The following OIT3 variants were observed in gnomAD, a reference collection of about 807,000 sequenced individuals.
OIT3 encodes the protein oncoprotein-induced transcript 3 protein.
Under a neutral mutation model 52.2 loss-of-function variants are expected in OIT3, and 41 were observed. The ratio of observed to expected loss-of-function variants is 0.79; its 90% confidence interval spans 0.61 to 1.02. The LOEUF (loss-of-function observed/expected upper bound fraction) is 1.02, where lower values mean the gene tolerates loss of function less well. Ranked by LOEUF, OIT3 falls within the 50% of genes least tolerant of loss-of-function variation. OIT3 has a pLI of 0.00. For missense variants in OIT3, 634 were observed against 715.5 expected, an observed-to-expected ratio of 0.89 and a Z score of 1.30; for synonymous variants, 244 against 276.9, an observed-to-expected ratio of 0.88 and a Z score of 1.18.
At chr10:72,917,434 C>T (rs1846083329) in intron 6 of OIT3, among the ~76,000 whole-genome samples, 1 of 152,048 alleles carries the variant, frequency 6.6e-6, no homozygotes, top group African/African-American at 2.4e-5. Context: ...ATACTTAAAC[C>T]AAAGCAAAGG....
At chr10:72,894,794 G>A (rs766658939) in intron 1 of OIT3, among the ~76,000 whole-genome samples, 1 of 151,952 alleles carries the variant, frequency 6.6e-6, no homozygotes, top group Non-Finnish European at 1.5e-5. Flanking sequence ...AGGCTGAGGC[G>A]GGAGAATCAC....
chr10:72,917,410 A>G (rs572105675), intron 6 of OIT3, among the ~76,000 whole-genome samples: 5 of 152,084 alleles, frequency 3.3e-5, no homozygotes, highest in Non-Finnish European at 7.4e-5. Flanking sequence ...ATGTCCTATC[A>G]TAACATTCCA....
At chr10:72,919,734 A>G (rs7900141) in intron 6 of OIT3, among the ~76,000 whole-genome samples, 6,007 of 152,168 alleles carry the variant, frequency 0.039, 399 homozygotes, top group African/African-American at 0.14. Context: ...AGTTTTATTT[A>G]TGTGATGAAT....
In OIT3 at chr10:72,924,436, T is replaced by C. The variant is rs773790178; in HGVS notation, c.1159T>C (p.Phe387Leu). ...LEIMSRNHGI[F>L]PFTLEIFKDN... is the part of the protein sequence containing the mutation. ...AATCATGAGCCGAAATCATGGGATC[T>C]TCCCATTCACTCTGGAGATCTTCAA... Residue 387 changes from phenylalanine to leucine, a missense_variant, in exon 7 of 9, where the codon TTC becomes CTC. Physicochemically the swap from Phe to Leu is conservative, Grantham distance 22. Coordinates refer to ENST00000334011, the MANE Select transcript of OIT3 (RefSeq NM_152635.3). 1.9e-6 allele frequency: 3 copies of C among 1,613,922 alleles called. No individual in the cohort carries two copies. The African/African-American group carries it at 4.0e-5, about 22-fold the overall frequency.
chr10:72,900,631 G>A (rs1036837818), intron 3 of OIT3, 147 bp downstream of exon 3: 14 of 590,548 alleles, frequency 2.4e-5, no homozygotes, highest in South Asian at 1.1e-4. Context: ...TGCCTGGACC[G>A]AAAGCCCCAC....
intron 3 of OIT3, among the ~76,000 whole-genome samples, chr10:72,902,954 CTTAAT>C (rs1455784550): frequency 6.6e-6 from 1 of 152,146 alleles, no homozygotes; most frequent in Non-Finnish European, 1.5e-5. Context: ...ACATCTCTTC[CTTAAT>C]TTATCTTAGA....
rs185039426 is a variant in OIT3, at chr10:72,916,531, T to C, written c.951+3063T>C. On this transcript the variant is annotated intron_variant, in intron 6 of 8. Coordinates refer to ENST00000334011, the MANE Select transcript of OIT3 (RefSeq NM_152635.3). ...ATTCTTTTTTTGTGGCTGCAAGTAT[T>C]CCATGGTGTATATGTACCACATTTT... is the stretch of plus-strand genomic sequence containing the variant. Among the ~76,000 whole-genome samples the C allele has an allele frequency of 8.2e-4, 125 of 152,328 alleles. 1 individual carries two copies. Among genetic ancestry groups the C allele is most frequent in the African/African-American group, 2.6e-3 (107 of 41,572 alleles).
At chr10:72,906,447 A>T (rs1448537709) in intron 3 of OIT3, 149 bp from the exon 4 acceptor site, 17 of 788,900 alleles carry the variant, frequency 2.2e-5, no homozygotes, top group Non-Finnish European at 3.3e-5. Context: ...GATCAGGTGG[A>T]TGGGAGTGAT....
intron 2 of OIT3, among the ~76,000 whole-genome samples, chr10:72,899,500 C>T (rs1845908105): frequency 6.7e-6 from 1 of 150,070 alleles, no homozygotes; most frequent in Non-Finnish European, 1.5e-5. Flanking sequence ...GAGGCTGAGG[C>T]AGGAGAATTG....
chr10:72,914,523 A>C (rs1846057728), intron 6 of OIT3, among the ~76,000 whole-genome samples: 1 of 152,214 alleles, frequency 6.6e-6, no homozygotes, highest in Non-Finnish European at 1.5e-5. Flanking sequence ...GTCCCACTTG[A>C]GGCAAGTTAT....
At chr10:72,917,848 G>C (rs568248944) in intron 6 of OIT3, 6 of 1,314,528 alleles carry the variant, frequency 4.6e-6, no homozygotes, top group African/African-American at 1.4e-5. Flanking sequence ...AAGGATTCTT[G>C]TCCTTTTGAT....
At chr10:72,897,780 G>A (rs372447050) in intron 1 of OIT3, among the ~76,000 whole-genome samples, 2 of 152,248 alleles carry the variant, frequency 1.3e-5, no homozygotes, top group East Asian at 1.9e-4. Flanking sequence ...GAACTGAAAC[G>A]TGCTTTCCCA....
intron 3 of OIT3, among the ~76,000 whole-genome samples, chr10:72,902,936 T>C (rs762116438): frequency 1.4e-4 from 22 of 152,192 alleles, no homozygotes; most frequent in Non-Finnish European, 3.1e-4. Context: ...AAAGGTAGCA[T>C]ATCATTCACA....
rs766991632 is a variant in OIT3 at position 72,900,393 on chromosome 10, C to A, written c.453C>A (p.Cys151Ter). ...CTTCCATAGATTTTTATGACATCTG[C>A]GACGAGGACTGCCATGGCAGCTGCT... ...HVYCGHFYDI[C>*]DEDCHGSCSD... The change falls in exon 3 of 9, where the codon TGC becomes TGA. Residue 151 changes from cysteine (C) to a stop codon, truncating the protein, a stop_gained. Transcript: ENST00000334011. LOFTEE classifies it high-confidence loss of function. 6.2e-7 allele frequency: 1 copy of A among 1,602,232 alleles called. No individual in the cohort carries two copies. The highest frequency in any genetic ancestry group is 1.1e-5 in the South Asian group (1 of 90,820).
Position 72,906,622 on chromosome 10 carries a change from G to T in OIT3, c.571G>T (p.Gly191Cys). 1 of 1,613,814 alleles carries T rather than the reference G, an allele frequency of 6.2e-7. No individual in the cohort carries two copies. The highest frequency in any genetic ancestry group is 8.5e-7 in the Non-Finnish European group (1 of 1,179,822). Reference protein sequence around the residue: ...FDENECEQNNGGCSEICVNLK... With the variant: ...FDENECEQNNCGCSEICVNLK... ...TGAAAATGAATGTGAGCAAAACAAC[G>T]GTGGCTGCAGTGAGATCTGTGTGAA... Residue 191 changes from glycine to cysteine, a missense_variant, in exon 4 of 9, where the codon GGT becomes TGT. Gly to Cys is a radical substitution (Grantham distance 159). Transcript: ENST00000334011.
intron 2 of OIT3, 121 bp downstream of exon 2, chr10:72,899,159 G>A (rs1042710510): frequency 1.3e-5 from 11 of 853,912 alleles, no homozygotes; most frequent in Admixed American, 5.1e-5. Flanking sequence ...CAACATTGAT[G>A]TGGGGCTAAA....
intron 8 of OIT3, 42 bp downstream of exon 8, chr10:72,930,679 CTTTT>C (rs368917423): frequency 8.8e-3 from 6,622 of 748,332 alleles, no homozygotes; most frequent in East Asian, 0.013. Context: ...GAACCTGAGC[CTTTT>C]TTTTTTTTTT....
At chr10:72,895,935 C>T (rs929173442) in intron 1 of OIT3, among the ~76,000 whole-genome samples, 2 of 152,106 alleles carry the variant, frequency 1.3e-5, no homozygotes, top group Admixed American at 1.3e-4. Context: ...GATATAAGAC[C>T]AGTGGCCAGA....
chr10:72,903,448 G>C (rs1185551566), intron 3 of OIT3, among the ~76,000 whole-genome samples: 3 of 152,126 alleles, frequency 2.0e-5, no homozygotes, highest in African/African-American at 4.8e-5. Context: ...GGCTGGTCTT[G>C]AGCTCCTGAC....
Sources: allele counts gnomAD v4.1 joint callset (sites outside exome capture counted in the v4.1 genomes callset), GRCh38; gene constraint gnomAD v4.1.1; transcripts MANE v1.5; gene names NCBI Gene and HGNC (gene_info 2026-07-23, HGNC 2026-07-21).